ADAMTS14: variants seen among roughly 807,000 people sequenced by gnomAD.
The protein encoded by ADAMTS14 is A disintegrin and metalloproteinase with thrombospondin motifs 14.
A neutral mutation model predicts 128.6 loss-of-function variants in ADAMTS14; 100 were observed. That is an observed-to-expected ratio of 0.78 (90% CI 0.66 to 0.92). The LOEUF is 0.92. Among genes scored for constraint, ADAMTS14 ranks in the 40% least tolerant of loss-of-function variants. The pLI is 0.00. For missense variants in ADAMTS14, 1,562 were observed against 1,658.6 expected (o/e 0.94, Z 1.01); for synonymous variants, 665 against 653.8 (o/e 1.02, Z -0.26).
chr10:70,749,266 G>A (rs1283701545), intron 15 of ADAMTS14, among the ~76,000 whole-genome samples: 1 of 152,180 alleles, frequency 6.6e-6, no homozygotes, highest in African/African-American at 2.4e-5. Flanking sequence ...CAGTCGTGGG[G>A]CGCGGGGATT....
chr10:70,691,937 A>G (rs1190818117), intron 2 of ADAMTS14, among the ~76,000 whole-genome samples: 1 of 152,190 alleles, frequency 6.6e-6, no homozygotes, highest in South Asian at 2.1e-4. Flanking sequence ...TGAAACATGG[A>G]TGACCACTTA....
chr10:70,756,558 T>G (rs1053467041), intron 19 of ADAMTS14, among the ~76,000 whole-genome samples: 1 of 152,200 alleles, frequency 6.6e-6, no homozygotes, highest in East Asian at 1.9e-4. Flanking sequence ...TGGTCTTCAG[T>G]ATGTCCAAAG....
At chr10:70,673,288 T>TGTGTGG (rs1839538857) in intron 1 of ADAMTS14, among the ~76,000 whole-genome samples, 1 of 152,100 alleles carries the variant, frequency 6.6e-6, no homozygotes, top group African/African-American at 2.4e-5. Context: ...TGTGTCTGTG[T>TGTGTGG]GTGGCTGTTA....
At chr10:70,684,537 C>T (rs543490025) in intron 2 of ADAMTS14, among the ~76,000 whole-genome samples, 17 of 152,358 alleles carry the variant, frequency 1.1e-4, no homozygotes, top group African/African-American at 4.1e-4. Flanking sequence ...TTCCACATTG[C>T]CCCTAGGCAA....
Position 70,695,695 on chromosome 10 carries a change from G to A in ADAMTS14, c.523-6617G>A, listed in dbSNP as rs189640145. Among the ~76,000 whole-genome samples, 13 of 152,372 alleles carry A rather than the reference G, an allele frequency of 8.5e-5. No individual in the cohort carries two copies. In the East Asian group the frequency reaches 2.5e-3, roughly 29 times the overall value. On this transcript the variant is annotated intron_variant, in intron 2 of 21. Transcript: ENST00000373207. ...GACAAGGGGAGGAGTGGGTCTGGAA[G>A]TCAAACCCAGAGTTCTGTTCCAAAG...
chr10:70,724,583 G>A (rs780342031), intron 4 of ADAMTS14, among the ~76,000 whole-genome samples: 11 of 152,174 alleles, frequency 7.2e-5, no homozygotes, highest in African/African-American at 1.9e-4. Flanking sequence ...TGTGTCACAC[G>A]GCCTCTGCAG....
At chr10:70,717,872 G>T (rs928203639) in intron 4 of ADAMTS14, among the ~76,000 whole-genome samples, 1 of 152,174 alleles carries the variant, frequency 6.6e-6, no homozygotes, top group African/African-American at 2.4e-5. Flanking sequence ...ATGTTGGGGT[G>T]GTTGCCGGGA....
chr10:70,753,599 C>G (rs1842405568), intron 18 of ADAMTS14, among the ~76,000 whole-genome samples: 1 of 152,208 alleles, frequency 6.6e-6, no homozygotes, highest in Non-Finnish European at 1.5e-5. Context: ...AGACGAGACA[C>G]AGCAGGAGAG....
chr10:70,680,418 T>A (rs889165552), intron 2 of ADAMTS14, among the ~76,000 whole-genome samples: 13 of 151,502 alleles, frequency 8.6e-5, no homozygotes, highest in African/African-American at 2.7e-4. Flanking sequence ...AATAAATAAA[T>A]AAAAAAAATA....
At chr10:70,708,138 T>C (rs1295546892) in intron 3 of ADAMTS14, among the ~76,000 whole-genome samples, 1 of 152,214 alleles carries the variant, frequency 6.6e-6, no homozygotes, top group Non-Finnish European at 1.5e-5. Flanking sequence ...GTTCCTCAGA[T>C]GCCCTATGGA....
chr10:70,676,153 G>A (rs1489212118), intron 2 of ADAMTS14, among the ~76,000 whole-genome samples: 6 of 150,506 alleles, frequency 4.0e-5, no homozygotes, highest in Non-Finnish European at 7.4e-5. Flanking sequence ...TTTAGAGGTG[G>A]ATTTTCACTA....
chr10:70,744,042 C>T, intron 13 of ADAMTS14, 24 bp from the exon 14 acceptor site: 1 of 1,553,638 alleles, frequency 6.4e-7, no homozygotes, highest in Non-Finnish European at 8.7e-7. Flanking sequence ...AGCCTCCTCC[C>T]ACTGACCTCA....
rs968975466 is a variant in ADAMTS14, at chr10:70,672,609, C to A, written c.-194C>A. Reference sequence around the variant, plus strand: ...GGCAGCCTCGCGCGCCCGGAGCCAGCGGTCCAGGCGGCGGCGCCGCGCAGG... The same window carrying A: ...GGCAGCCTCGCGCGCCCGGAGCCAGAGGTCCAGGCGGCGGCGCCGCGCAGG... On this transcript the variant is annotated 5_prime_UTR_variant, in exon 1 of 22. Coordinates refer to ENST00000373207, the MANE Select transcript of ADAMTS14 (RefSeq NM_080722.4). Among the ~76,000 whole-genome samples the A allele has an allele frequency of 1.3e-5, 2 of 151,684 alleles. No individual in the cohort carries two copies. The highest frequency in any genetic ancestry group is 2.9e-5 in the Non-Finnish European group (2 of 67,856).
In ADAMTS14 at chr10:70,740,985, A is replaced by G. The variant is rs753478736; in HGVS notation, c.1749-2A>G. 1.9e-6 allele frequency: 3 copies of G among 1,613,878 alleles called. No individual in the cohort carries two copies. In the South Asian group the frequency reaches 3.3e-5, roughly 18 times the overall value. ...TCATCCATTTCTCTGTGTCTGTCCC[A>G]GCCCAGCCTATGGAGGCCGCCTGTG... On this transcript the variant is annotated splice_acceptor_variant, in intron 11 of 21. Transcript: ENST00000373207. LOFTEE classifies it high-confidence loss of function.
chr10:70,758,736 C>G (rs951091402), intron 21 of ADAMTS14, among the ~76,000 whole-genome samples: 2 of 152,152 alleles, frequency 1.3e-5, no homozygotes, highest in African/African-American at 4.8e-5. Flanking sequence ...CTTCATAGGG[C>G]TGGTGAGATA....
chr10:70,688,613 C>T (rs1439184390), intron 2 of ADAMTS14, among the ~76,000 whole-genome samples: 18 of 101,992 alleles, frequency 1.8e-4, no homozygotes, highest in Admixed American at 1.5e-3. Context: ...CGTCTGCAAT[C>T]CCGGCACCTC....
At chr10:70,682,004 C>G (rs1416721585) in intron 2 of ADAMTS14, among the ~76,000 whole-genome samples, 1 of 152,274 alleles carries the variant, frequency 6.6e-6, no homozygotes, top group Non-Finnish European at 1.5e-5. Context: ...TCTCGCCTCA[C>G]TTTTCAGCCC....
intron 2 of ADAMTS14, among the ~76,000 whole-genome samples, chr10:70,696,283 G>A (rs774778352): frequency 6.6e-6 from 1 of 151,990 alleles, no homozygotes; most frequent in South Asian, 2.1e-4. Flanking sequence ...CCACAGAAGA[G>A]GAGAAGGGGC....
chr10:70,759,492 A>C (rs1842557594), intron 21 of ADAMTS14, among the ~76,000 whole-genome samples: 1 of 152,180 alleles, frequency 6.6e-6, no homozygotes, highest in African/African-American at 2.4e-5. Flanking sequence ...ATGAGCACTT[A>C]TCTTTGCCAG....
Sources: gnomAD v4.1 joint callset for allele counts (sites outside exome capture counted in the v4.1 genomes callset) on GRCh38, gnomAD v4.1.1 for gene constraint, MANE v1.5 for transcripts, NCBI Gene and HGNC (gene_info 2026-07-23, HGNC 2026-07-21) for gene names.